NDUFAF6: variants seen among roughly 807,000 people sequenced by gnomAD.
NDUFAF6 encodes the protein NADH:ubiquinone oxidoreductase complex assembly factor 6, also known as NADH dehydrogenase (ubiquinone) complex I, assembly factor 6.
A neutral mutation model predicts 40.8 loss-of-function variants in NDUFAF6; 45 were observed. That is an observed-to-expected ratio of 1.10 (90% CI 0.87 to 1.42). The LOEUF (loss-of-function observed/expected upper bound fraction) is 1.42. Ranked by LOEUF, NDUFAF6 falls within the 40% of genes most tolerant of loss-of-function variation. The pLI is 0.00. For missense variants in NDUFAF6, 435 were observed against 418.5 expected (o/e 1.04, Z -0.34); for synonymous variants, 185 against 155.9 (o/e 1.19, Z -1.39).
chr8:94,902,438 T>C (rs1047671660), intron 1 of NDUFAF6, among the ~76,000 whole-genome samples: 1 of 148,724 alleles, frequency 6.7e-6, no homozygotes, highest in African/African-American at 2.5e-5. Flanking sequence ...AAAAAAGATA[T>C]AAATCTCAGG....
intron 2 of NDUFAF6, among the ~76,000 whole-genome samples, chr8:95,006,391 A>AG (rs1826986993): frequency 6.6e-6 from 1 of 151,700 alleles, no homozygotes; most frequent in Non-Finnish European, 1.5e-5. Context: ...GAAAAGAAAA[A>AG]GAAAAAAAGA....
intron 4 of NDUFAF6, among the ~76,000 whole-genome samples, chr8:95,108,903 T>A (rs1485781426): frequency 6.6e-6 from 1 of 152,190 alleles, no homozygotes; most frequent in Admixed American, 6.5e-5. Context: ...GTTAAAATGG[T>A]AAATTTTATG....
At chr8:95,102,809 C>T (rs985556874) in intron 2 of NDUFAF6, among the ~76,000 whole-genome samples, 1 of 152,158 alleles carries the variant, frequency 6.6e-6, no homozygotes, top group African/African-American at 2.4e-5. Context: ...TGCAGTGTCT[C>T]TTCAGCGCCC....
intron 9 of NDUFAF6, among the ~76,000 whole-genome samples, chr8:95,075,196 G>A (rs999996001): frequency 5.9e-5 from 9 of 152,152 alleles, no homozygotes; most frequent in Admixed American, 5.2e-4. Context: ...TTTCTAGCGT[G>A]CTCTAAAATG....
At chr8:94,904,997 C>T (rs1045699890) in intron 1 of NDUFAF6, among the ~76,000 whole-genome samples, 10 of 152,216 alleles carry the variant, frequency 6.6e-5, no homozygotes, top group Admixed American at 2.6e-4. Context: ...GTTAGGAGTT[C>T]GAGACCAGCC....
At chr8:94,950,295 G>C (rs1379659958) in intron 2 of NDUFAF6, 1 of 152,292 alleles carries the variant, frequency 6.6e-6, no homozygotes, top group Non-Finnish European at 1.5e-5. Context: ...CAGTGGGCTT[G>C]AAAGTGTTTT....
chr8:94,993,690 C>T (rs1826290591), intron 2 of NDUFAF6, among the ~76,000 whole-genome samples: 1 of 152,150 alleles, frequency 6.6e-6, no homozygotes, highest in African/African-American at 2.4e-5. Flanking sequence ...CTGTTCTTGC[C>T]ATCATCTGAC....
At chr8:94,908,203 A>G (rs930554031) in intron 1 of NDUFAF6, among the ~76,000 whole-genome samples, 3 of 152,318 alleles carry the variant, frequency 2.0e-5, no homozygotes, top group African/African-American at 7.2e-5. Context: ...CCAGTGTTGG[A>G]CAGTAAATAA....
intron 1 of NDUFAF6, among the ~76,000 whole-genome samples, chr8:94,976,776 A>C (rs1344761137): frequency 6.6e-6 from 1 of 152,178 alleles, no homozygotes; most frequent in Admixed American, 6.5e-5. Flanking sequence ...ATAGAGTTTC[A>C]GATTTGCAAG....
Position 95,058,636 on chromosome 8 carries a change from T to G in NDUFAF6, c.*699T>G. 2.7e-6 allele frequency: 3 copies of G among 1,112,436 alleles called. No individual in the cohort carries two copies. Among genetic ancestry groups the G allele is most frequent in the Non-Finnish European group, 3.3e-6 (3 of 913,150 alleles). 68.9% of individuals were successfully genotyped at this position (1,112,436 alleles called of 1,614,324 possible). On this transcript the variant is annotated 3_prime_UTR_variant, in exon 9 of 9. Coordinates refer to ENST00000396124, the MANE Select transcript of NDUFAF6 (RefSeq NM_152416.4). Reference sequence around the variant, plus strand: ...AGCATTATCATGATCGTGAACAAAATTGTACTGAGAAAGTTTGTATAAGTG... The same window carrying G: ...AGCATTATCATGATCGTGAACAAAAGTGTACTGAGAAAGTTTGTATAAGTG...
intron 1 of NDUFAF6, among the ~76,000 whole-genome samples, chr8:94,923,955 T>C (rs921779249): frequency 6.6e-6 from 1 of 152,122 alleles, no homozygotes; most frequent in Non-Finnish European, 1.5e-5. Flanking sequence ...CCTAAAGTGC[T>C]GGGATTACAG....
chr8:95,042,381 G>A (rs57068400), intron 4 of NDUFAF6, among the ~76,000 whole-genome samples: 1,844 of 152,286 alleles, frequency 0.012, 44 homozygotes, highest in African/African-American at 0.041. Context: ...ATAGGCTGTA[G>A]CAATAACAAG....
chr8:94,939,069 A>G (rs1821270067), intron 1 of NDUFAF6, among the ~76,000 whole-genome samples: 1 of 152,218 alleles, frequency 6.6e-6, no homozygotes, highest in African/African-American at 2.4e-5. Flanking sequence ...AAACCCACAC[A>G]TCTGGTGTCA....
At chr8:95,057,763 T>A in intron 8 of NDUFAF6, 46 bp from the exon 9 acceptor site, 1 of 1,399,600 alleles carries the variant, frequency 7.1e-7, no homozygotes, top group South Asian at 1.2e-5. Flanking sequence ...TTTTTTTAAG[T>A]CTTGATCATT....
Position 95,035,438 on chromosome 8 carries a change from T to G in NDUFAF6, c.298-16T>G. On this transcript the variant is annotated splice_polypyrimidine_tract_variant and intron_variant, in intron 2 of 8. Transcript: ENST00000396124. Reference sequence around the variant, plus strand: ...TAGACAATGCATTTGCTAAAGTTTTTAAACCCTGTTTATAGGTTAAAGACT... The same window carrying G: ...TAGACAATGCATTTGCTAAAGTTTTGAAACCCTGTTTATAGGTTAAAGACT... The G allele has an allele frequency of 6.2e-7, 1 of 1,613,416 alleles. No individual in the cohort carries two copies. The highest frequency in any genetic ancestry group is 8.5e-7 in the Non-Finnish European group (1 of 1,179,652).
intron 2 of NDUFAF6, among the ~76,000 whole-genome samples, chr8:94,983,306 C>G (rs912578522): frequency 7.0e-6 from 1 of 142,158 alleles, no homozygotes; most frequent in Non-Finnish European, 1.5e-5. Context: ...ACTTTGTTGC[C>G]CAGACTGGAG....
At chr8:95,088,549 C>T (rs1202785430) in intron 2 of NDUFAF6, among the ~76,000 whole-genome samples, 2 of 152,130 alleles carry the variant, frequency 1.3e-5, no homozygotes, top group Admixed American at 6.5e-5. Context: ...AGGATGGTCT[C>T]CTCTCTAGAT....
At chr8:94,991,267 C>T (rs892295033) in intron 2 of NDUFAF6, among the ~76,000 whole-genome samples, 2 of 152,222 alleles carry the variant, frequency 1.3e-5, no homozygotes, top group South Asian at 4.1e-4. Flanking sequence ...TGATAAACAT[C>T]TTAAAATATG....
At chr8:94,961,725 G>C (rs953014184) in intron 1 of NDUFAF6, among the ~76,000 whole-genome samples, 4 of 152,124 alleles carry the variant, frequency 2.6e-5, no homozygotes, top group South Asian at 4.1e-4. Context: ...ACCCAGCCTA[G>C]AGCAACCATT....
Sources: gnomAD v4.1 joint callset for allele counts (sites outside exome capture counted in the v4.1 genomes callset) on GRCh38, gnomAD v4.1.1 for gene constraint, MANE v1.5 for transcripts, NCBI Gene and HGNC (gene_info 2026-07-23, HGNC 2026-07-21) for gene names.